The following TOR1AIP1 variants were observed in gnomAD, a reference collection of about 807,000 sequenced individuals.
The protein encoded by TOR1AIP1 is torsin 1A interacting protein 1.
In TOR1AIP1, 54 loss-of-function variants were observed where a neutral mutation model predicts 63.3. That is an observed-to-expected ratio of 0.85 (90% CI 0.69 to 1.07). The LOEUF is 1.07. Among genes scored for constraint, TOR1AIP1 ranks in the 50% least tolerant of loss-of-function variants. TOR1AIP1 has a pLI of 0.00. For synonymous variants in TOR1AIP1, 294 were observed against 273.5 expected (o/e 1.07, Z -0.74); for missense variants, 736 against 715.0 (o/e 1.03, Z -0.33).
chr1:179,900,988 T>C (rs781058418), intron 4 of TOR1AIP1, among the ~76,000 whole-genome samples: 5 of 152,176 alleles, frequency 3.3e-5, no homozygotes, highest in Non-Finnish European at 5.9e-5. Context: ...TTCCTCCCCA[T>C]AAACTTTTTC....
At chr1:179,908,196 C>T (rs1316747045) in intron 7 of TOR1AIP1, among the ~76,000 whole-genome samples, 2 of 152,110 alleles carry the variant, frequency 1.3e-5, no homozygotes, top group African/African-American at 4.8e-5. Flanking sequence ...GTGTGAGCCA[C>T]CGCACCCAGC....
Position 179,882,531 on chromosome 1 carries a change from C to T in TOR1AIP1, c.29C>T (p.Ala10Val), listed in dbSNP as rs1304415641. 1 of 1,465,278 alleles carries T rather than the reference C, an allele frequency of 6.8e-7. No individual in the cohort carries two copies. Among genetic ancestry groups the T allele is most frequent in the Non-Finnish European group, 9.0e-7 (1 of 1,109,262 alleles). 90.8% of individuals were successfully genotyped at this position (1,465,278 alleles called of 1,614,324 possible). The change falls in exon 1 of 10, where the codon GCG (alanine) becomes GTG (valine). Residue 10 changes from alanine to valine, a missense_variant. Physicochemically the swap from Ala to Val is moderately conservative, Grantham distance 64. Around this residue, in one of 2 missense-constraint regions of TOR1AIP1, gnomAD observed 464 missense variants for 371.0 expected, o/e 1.25. Coordinates refer to ENST00000606911, the MANE Select transcript of TOR1AIP1 (RefSeq NM_015602.4). MAGDGRRAEAVREGWGVYVT... is the reference protein window; with the variant it reads MAGDGRRAEVVREGWGVYVT... ...GCGGGCGACGGGCGGCGGGCAGAGG[C>T]GGTGCGGGAAGGATGGGGTGTGTAC... is the stretch of plus-strand genomic sequence containing the variant.
chr1:179,890,164 A>G (rs10913905), intron 3 of TOR1AIP1, among the ~76,000 whole-genome samples: 19,101 of 152,196 alleles, frequency 0.13, 1,246 homozygotes, highest in Middle Eastern at 0.2. Context: ...GAACGACAAA[A>G]TGTCCCTCCC....
intron 3 of TOR1AIP1, among the ~76,000 whole-genome samples, chr1:179,890,618 CA>C (rs1648039171): frequency 2.0e-5 from 3 of 150,688 alleles, no homozygotes; most frequent in Admixed American, 2.0e-4. Context: ...TTTTTTTTTC[CA>C]GGCAGGGTCT....
At position 179,909,122 on chromosome 1, in the gene TOR1AIP1, C is replaced by G. The variant is rs1170523954; in HGVS notation, c.907+449C>G. On this transcript the variant is annotated intron_variant, in intron 8 of 9. Transcript: ENST00000606911. ...CTTGCAGTGAGCCAAGATTGCACCA[C>G]TGCACTCCAGCCTGGGCGACAGAGC... Among the ~76,000 whole-genome samples, 3 of 151,816 alleles carry G rather than the reference C, an allele frequency of 2.0e-5. No individual in the cohort carries two copies. The East Asian group carries it at 5.8e-4, about 30-fold the overall frequency.
intron 6 of TOR1AIP1, among the ~76,000 whole-genome samples, chr1:179,907,615 ATATG>A (rs1385518191): frequency 4.5e-5 from 1 of 22,070 alleles, no homozygotes; most frequent in South Asian, 2.2e-3. Context: ...ATATATATAT[ATATG>A]TATATATATG....
chr1:179,883,835 A>G (rs770039322), intron 1 of TOR1AIP1: 83 of 282,364 alleles, frequency 2.9e-4, no homozygotes, highest in Non-Finnish European at 2.7e-4. Flanking sequence ...TGCCCCCCCC[A>G]TTTTAGGACC....
In TOR1AIP1 at chr1:179,917,980, A is replaced by G; in HGVS notation, c.1493A>G (p.His498Arg). The change falls in exon 10 of 10, where the codon CAT (histidine) becomes CGT (arginine). Residue 498 changes from histidine to arginine, a missense_variant. Transcript: ENST00000606911. ...TTGATCTTCTACAAATATTGTGACC[A>G]TGAAAACGCGGCCTTCAAAGATGTA... ...STLIFYKYCDHENAAFKDVAL... is the reference protein window; with the variant it reads ...STLIFYKYCDRENAAFKDVAL... 6.2e-7 allele frequency: 1 copy of G among 1,614,240 alleles called. No individual in the cohort carries two copies. Among genetic ancestry groups the G allele is most frequent in the East Asian group, 2.2e-5 (1 of 44,890 alleles).
chr1:179,905,826 G>T (rs182526388), intron 6 of TOR1AIP1, among the ~76,000 whole-genome samples: 40 of 152,204 alleles, frequency 2.6e-4, no homozygotes, highest in African/African-American at 9.1e-4. Context: ...GGTGATAGGT[G>T]CCTGTAATCC....
At chr1:179,893,266 A>AAAC (rs1319697156) in intron 3 of TOR1AIP1, among the ~76,000 whole-genome samples, 4 of 122,092 alleles carry the variant, frequency 3.3e-5, no homozygotes, top group African/African-American at 7.3e-5. Flanking sequence ...ACAAACAAAC[A>AAAC]AAAAAAAAAA....
chr1:179,892,405 A>G (rs1303027027), intron 3 of TOR1AIP1, among the ~76,000 whole-genome samples: 1 of 151,988 alleles, frequency 6.6e-6, no homozygotes, highest in Non-Finnish European at 1.5e-5. Context: ...CCCAGGATGC[A>G]GAGGTTGCAG....
At chr1:179,892,533 C>G (rs1007437513) in intron 3 of TOR1AIP1, among the ~76,000 whole-genome samples, 3 of 151,214 alleles carry the variant, frequency 2.0e-5, no homozygotes, top group Admixed American at 2.0e-4. Context: ...GTCAGGAGAT[C>G]GAGATCATCC....
In TOR1AIP1 at chr1:179,882,880, G is replaced by A. The variant is rs1238617459; in HGVS notation, c.378G>A (p.Arg126=). The stretch of plus-strand genomic sequence containing the variant: ...AAACCGAGGAAATGAAGACGCGAAG[G>A]ACTACCCGCCTTCAGCAGCAGCACT... ...PQETEEMKTR[R]TTRLQQQHSE... Residue 126 remains arginine, a synonymous_variant, in exon 1 of 10, where the codon AGG becomes AGA. Coordinates refer to ENST00000606911, the MANE Select transcript of TOR1AIP1 (RefSeq NM_015602.4). The A allele has an allele frequency of 2.5e-6, 4 of 1,614,166 alleles. No individual in the cohort carries two copies. Among genetic ancestry groups the A allele is most frequent in the Non-Finnish European group, 8.5e-7 (1 of 1,180,036 alleles).
At chr1:179,903,025 G>C (rs1378987621) in intron 5 of TOR1AIP1, among the ~76,000 whole-genome samples, 4 of 151,798 alleles carry the variant, frequency 2.6e-5, no homozygotes, top group African/African-American at 7.3e-5. Context: ...AAAAATATGG[G>C]CACTTCACCT....
chr1:179,918,100 T>A lies in TOR1AIP1; in HGVS notation c.1613T>A (p.Val538Asp), dbSNP rs774345665. The A allele has an allele frequency of 2.5e-6, 4 of 1,614,112 alleles. No homozygotes were observed. Among genetic ancestry groups the A allele is most frequent in the Admixed American group, 3.3e-5 (2 of 60,022 alleles). ...GAAAAAGTAAGAGATTTTCTTAAAG[T>A]CAAGTTCACCAATTCTAACACACCC... ...VEEKVRDFLK[V>D]KFTNSNTPNS... The change falls in exon 10 of 10, where the codon GTC becomes GAC. Residue 538 changes from valine (V) to aspartate (D), a missense_variant. Physicochemically the swap from Val to Asp is radical, Grantham distance 152. This residue lies in a region of TOR1AIP1 where 272 missense variants were observed against 344.1 expected (regional missense o/e 0.79). Transcript: ENST00000606911.
chr1:179,905,208 C>T (rs947404422), intron 6 of TOR1AIP1, among the ~76,000 whole-genome samples: 15 of 151,912 alleles, frequency 9.9e-5, no homozygotes, highest in African/African-American at 3.6e-4. Context: ...AACCCCGTCT[C>T]TACTAAAAAT....
In TOR1AIP1 at chr1:179,883,687, C is replaced by G. The variant is rs1413176212; in HGVS notation, c.475+710C>G. On this transcript the variant is annotated intron_variant, in intron 1 of 9. Transcript: ENST00000606911. ...ACCTCAAGTAGTCTGGCAAATCAGA[C>G]TGACAAAGTAACCTGAAAAACAAGA... is the stretch of plus-strand genomic sequence containing the variant. The G allele has an allele frequency of 6.6e-6, 3 of 456,240 alleles. No individual in the cohort carries two copies. In the East Asian group the frequency reaches 2.1e-4, roughly 32 times the overall value. The allele number at this position is 456,240 out of a possible 1,614,324, so 28.3% of individuals were successfully genotyped here.
At chr1:179,892,765 AAG>A (rs1648137891) in intron 3 of TOR1AIP1, among the ~76,000 whole-genome samples, 1 of 151,956 alleles carries the variant, frequency 6.6e-6, no homozygotes, top group Non-Finnish European at 1.5e-5. Flanking sequence ...CTTTTTAAAA[AAG>A]AGAACTTGGA....
intron 5 of TOR1AIP1, among the ~76,000 whole-genome samples, chr1:179,903,662 C>T (rs1322692824): frequency 2.0e-5 from 3 of 152,082 alleles, no homozygotes; most frequent in African/African-American, 7.2e-5. Flanking sequence ...GCACGCGCCA[C>T]CACGCCCAGA....
Sources: allele counts gnomAD v4.1 joint callset (sites outside exome capture counted in the v4.1 genomes callset), GRCh38; gene constraint gnomAD v4.1.1; regional missense constraint gnomAD v4.1.1; transcripts MANE v1.5; gene names NCBI Gene and HGNC (gene_info 2026-07-23, HGNC 2026-07-21).